Variants in IL15RA observed in about 807,000 individuals in gnomAD.
IL15RA encodes the protein interleukin 15 receptor subunit alpha.
IL15RA carries 26 observed loss-of-function variants against 24.2 expected under a neutral mutation model. That is an observed-to-expected ratio of 1.07 (90% CI 0.79 to 1.49). The LOEUF is 1.49. Among genes scored for constraint, IL15RA ranks in the 40% most tolerant of loss-of-function variants. The pLI is 0.00. For synonymous variants in IL15RA, 166 were observed against 157.6 expected, an observed-to-expected ratio of 1.05 and a Z score of -0.40; for missense variants, 354 against 356.4, an observed-to-expected ratio of 0.99 and a Z score of 0.05.
At chr10:5,969,898 A>T (rs1837304010) in intron 1 of IL15RA, among the ~76,000 whole-genome samples, 1 of 152,246 alleles carries the variant, frequency 6.6e-6, no homozygotes, top group South Asian at 2.1e-4. Flanking sequence ...CTTTTGTCAG[A>T]CATATCCCTA....
rs1835264933 is a variant in IL15RA at position 5,960,206 on chromosome 10, G to A, written c.583+161C>T. ...CACAGAGAAAGCCACGGAGAAAGAG[G>A]TCAGGCCAGGACGCCGTGGCTGGTG... On this transcript the variant is annotated intron_variant, in intron 4 of 6. Coordinates refer to ENST00000379977, the MANE Select transcript of IL15RA (RefSeq NM_002189.4). The surrounding 1 kb of genome is among the most constrained non-coding windows in gnomAD (Gnocchi z 5.1). Among the ~76,000 whole-genome samples the A allele has an allele frequency of 1.3e-5, 2 of 152,236 alleles. No homozygotes were observed. Among genetic ancestry groups the A allele is most frequent in the South Asian group, 2.1e-4 (1 of 4,830 alleles).
At position 5,968,696 on chromosome 10, in the gene IL15RA, C is replaced by G. The variant is rs1837033512; in HGVS notation, c.89-2357G>C. The G allele has an allele frequency of 1.4e-6, 1 of 692,950 alleles. No individual in the cohort carries two copies. The highest frequency in any genetic ancestry group is 1.7e-5 in the African/African-American group (1 of 57,226). 42.9% of individuals were successfully genotyped at this position (692,950 alleles called of 1,614,324 possible). On this transcript the variant is annotated intron_variant, in intron 1 of 6. Transcript: ENST00000379977. This position sits in a 1 kb window ranked among gnomAD's most constrained non-coding sequence, Gnocchi z 5.4. Reference sequence around the variant, plus strand: ...CTCCACACTGATCTTCTGTCCTTCTCTACCTGCCTAAACCACAGAGTGTTA... The same window carrying G: ...CTCCACACTGATCTTCTGTCCTTCTGTACCTGCCTAAACCACAGAGTGTTA...
chr10:5,957,337 G>A (rs1023169096), intron 5 of IL15RA, among the ~76,000 whole-genome samples: 11 of 150,710 alleles, frequency 7.3e-5, no homozygotes, highest in Non-Finnish European at 1.5e-4. Context: ...GTGCAGTGGC[G>A]TGATCTCAGC....
rs906169667 is a variant in IL15RA, at chr10:5,967,557, C to T, written c.89-1218G>A. ...AGACACCTTATTCCCCATGAAGCAT[C>T]ATTTTCCCAAAGGCTGCTGTTGCTT... On this transcript the variant is annotated intron_variant, in intron 1 of 6. Coordinates refer to ENST00000379977, the MANE Select transcript of IL15RA (RefSeq NM_002189.4). This position sits in a 1 kb window ranked among gnomAD's most constrained non-coding sequence, Gnocchi z 4.4. Among the ~76,000 whole-genome samples the T allele has an allele frequency of 6.6e-6, 1 of 152,216 alleles. No homozygotes were observed. Among genetic ancestry groups the T allele is most frequent in the African/African-American group, 2.4e-5 (1 of 41,454 alleles).
rs750932170 is a variant in IL15RA, at chr10:5,959,734, G to T, written c.616+20C>A. 9 of 1,612,052 alleles carry T rather than the reference G, an allele frequency of 5.6e-6. No individual in the cohort carries two copies. Among genetic ancestry groups the T allele is most frequent in the Non-Finnish European group, 7.6e-6 (9 of 1,178,552 alleles). ...CGGTCACCCTGATCATAAACATACCGGACAAAGGGACACACTTACCAGTGG... is the reference window on the plus strand; with the variant it reads ...CGGTCACCCTGATCATAAACATACCTGACAAAGGGACACACTTACCAGTGG... On this transcript the variant is annotated intron_variant, in intron 5 of 6. Transcript: ENST00000379977. The surrounding 1 kb of genome is among the most constrained non-coding windows in gnomAD (Gnocchi z 4.1).
rs918361323 is a variant in IL15RA at position 5,958,299 on chromosome 10, A to G, written c.616+1455T>C. 1 of 454,322 alleles carries G rather than the reference A, an allele frequency of 2.2e-6. No individual in the cohort carries two copies. The highest frequency in any genetic ancestry group is 2.4e-5 in the Admixed American group (1 of 42,322). 28.1% of individuals were successfully genotyped at this position (454,322 alleles called of 1,614,324 possible). A position where few individuals can be genotyped will look rare whatever the true frequency, so the allele number is the denominator to read the frequency against. On this transcript the variant is annotated intron_variant, in intron 5 of 6. Transcript: ENST00000379977. The surrounding 1 kb of genome is among the most constrained non-coding windows in gnomAD (Gnocchi z 4.3). ...CCTTATCCTCTATATGTTTATTTAT[A>G]CAGTCTCTCTGGAAGGATGCCTGGA... is the stretch of plus-strand genomic sequence containing the variant.
intron 1 of IL15RA, chr10:5,969,035 T>A: frequency 6.9e-7 from 1 of 1,439,838 alleles, no homozygotes; most frequent in Non-Finnish European, 9.3e-7. Flanking sequence ...GTATTGTGTG[T>A]GTTTCTGGCT....
chr10:5,958,867 G>A lies in IL15RA; in HGVS notation c.616+887C>T, dbSNP rs117475887. 2.0e-3 allele frequency among the ~76,000 whole-genome samples: 306 copies of A among 152,180 alleles called. 7 individuals are homozygous for A. The East Asian group carries it at 0.054, about 27-fold the overall frequency. ...TTTTTGTCCATATCAAATTACAGTT[G>A]GGTTTTTTGTTACTTTGGAAGCTTG... is the stretch of plus-strand genomic sequence containing the variant. On this transcript the variant is annotated intron_variant, in intron 5 of 6. Transcript: ENST00000379977. This position sits in a 1 kb window ranked among gnomAD's most constrained non-coding sequence, Gnocchi z 4.3.
At position 5,966,845 on chromosome 10, in the gene IL15RA, G is replaced by A. The variant is rs1253810744; in HGVS notation, c.89-506C>T. 2.0e-5 allele frequency among the ~76,000 whole-genome samples: 3 copies of A among 152,014 alleles called. No homozygotes were observed. The highest frequency in any genetic ancestry group is 4.4e-5 in the Non-Finnish European group (3 of 68,002). ...AAATTAGCCGGGCGTGGTGGCAGGC[G>A]CCTGTAATCCCAGCTACTGGGGAGG... On this transcript the variant is annotated intron_variant, in intron 1 of 6. Coordinates refer to ENST00000379977, the MANE Select transcript of IL15RA (RefSeq NM_002189.4). The surrounding 1 kb of genome is among the most constrained non-coding windows in gnomAD (Gnocchi z 6.4).
rs993008176 is a variant in IL15RA at position 5,969,827 on chromosome 10, TAAGAA to T, written c.89-3493_89-3489del. Among the ~76,000 whole-genome samples, 91 of 152,240 alleles carry T rather than the reference TAAGAA, an allele frequency of 6.0e-4. 3 individuals carry two copies. Among genetic ancestry groups the T allele is most frequent in the Non-Finnish European group, 1.5e-5 (1 of 68,046 alleles). On this transcript the variant is annotated intron_variant, in intron 1 of 6. Transcript: ENST00000379977. Reference sequence around the variant, plus strand: ...AACACGGTATCTCTCTTGATTTATTTAAGAATTCTGCAATTTCTCCAGAAATGTTT... The same window carrying T: ...AACACGGTATCTCTCTTGATTTATTTTTCTGCAATTTCTCCAGAAATGTTT...
In IL15RA at chr10:5,960,488, A is replaced by G; in HGVS notation, c.462T>C (p.Pro154=). 6.2e-7 allele frequency: 1 copy of G among 1,613,878 alleles called. No homozygotes were observed. Among genetic ancestry groups the G allele is most frequent in the Non-Finnish European group, 8.5e-7 (1 of 1,179,954 alleles). ...TGGTTCCTGTGGAAGGTGATTTTGAAGGCATCAGCTGGGAGCCCGGGACAA... is the reference window on the plus strand; with the variant it reads ...TGGTTCCTGTGGAAGGTGATTTTGAGGGCATCAGCTGGGAGCCCGGGACAA... The part of the protein sequence containing the change: ...AAIVPGSQLM[P]SKSPSTGTTE... The change falls in exon 4 of 7, where the codon CCT becomes CCC. Residue 154 remains proline, a synonymous_variant. Coordinates refer to ENST00000379977, the MANE Select transcript of IL15RA (RefSeq NM_002189.4). The surrounding 1 kb of genome is among the most constrained non-coding windows in gnomAD (Gnocchi z 5.1).
Position 5,963,891 on chromosome 10 carries a change from G to T in IL15RA, c.284-50C>A. 8.0e-7 allele frequency: 1 copy of T among 1,244,694 alleles called. No homozygotes were observed. Among genetic ancestry groups the T allele is most frequent in the Non-Finnish European group, 1.1e-6 (1 of 894,028 alleles). 77.1% of individuals were successfully genotyped at this position (1,244,694 alleles called of 1,614,324 possible). A position where few individuals can be genotyped will look rare whatever the true frequency, so the allele number is the denominator to read the frequency against. On this transcript the variant is annotated intron_variant, in intron 2 of 6. Coordinates refer to ENST00000379977, the MANE Select transcript of IL15RA (RefSeq NM_002189.4). The surrounding 1 kb of genome is among the most constrained non-coding windows in gnomAD (Gnocchi z 5.3). Reference sequence around the variant, plus strand: ...ACTTATGATCCTGAGCCTGGAACCTGGGCTGGCTTCAGAACGGGATACAAA... The same window carrying T: ...ACTTATGATCCTGAGCCTGGAACCTTGGCTGGCTTCAGAACGGGATACAAA...
rs775870392 is a variant in IL15RA at position 5,965,041 on chromosome 10, C to T, written c.283+1104G>A. Among the ~76,000 whole-genome samples the T allele has an allele frequency of 6.6e-6, 1 of 152,222 alleles. No homozygotes were observed. The highest frequency in any genetic ancestry group is 2.4e-5 in the African/African-American group (1 of 41,470). On this transcript the variant is annotated intron_variant, in intron 2 of 6. Transcript: ENST00000379977. The surrounding 1 kb of genome is among the most constrained non-coding windows in gnomAD (Gnocchi z 5.8). ...GCCTCAAGGAGCTCCCCTCTGTCCC[C>T]TGCTGCAGAGGGCGTGAGCTATGGG... is the stretch of plus-strand genomic sequence containing the variant.
rs1838279341 is a variant in IL15RA, at chr10:5,975,465, T to TG, written c.88+1939_88+1940insC. On this transcript the variant is annotated intron_variant, in intron 1 of 6. Coordinates refer to ENST00000379977, the MANE Select transcript of IL15RA (RefSeq NM_002189.4). The surrounding 1 kb of genome is among the most constrained non-coding windows in gnomAD (Gnocchi z 4.8). Reference sequence around the variant, plus strand: ...GAAGTCTTTGGGAGTGATAGTTGTGTTCACTCTTGGTGGTGGCAGTGGTTT... The same window carrying TG: ...GAAGTCTTTGGGAGTGATAGTTGTGTGTCACTCTTGGTGGTGGCAGTGGTTT... Among the ~76,000 whole-genome samples the TG allele has an allele frequency of 6.6e-6, 1 of 150,856 alleles. No individual in the cohort carries two copies. Among genetic ancestry groups the TG allele is most frequent in the Non-Finnish European group, 1.5e-5 (1 of 68,016 alleles).
rs34002653 is a variant in IL15RA at position 5,957,593 on chromosome 10, CT to C, written c.617-1140del. 6.3e-4 allele frequency among the ~76,000 whole-genome samples: 83 copies of C among 131,580 alleles called. 1 individual carries two copies. The highest frequency in any genetic ancestry group is 2.1e-3 in the East Asian group (9 of 4,338). 86.3% of individuals were successfully genotyped at this position (131,580 alleles called of 152,430 possible). ...CTGGCCAACTTTTTCTTTTCTTCTT[CT>C]TTTTTTTTTTTTTTCTGCGACGGAA... On this transcript the variant is annotated intron_variant, in intron 5 of 6. Coordinates refer to ENST00000379977, the MANE Select transcript of IL15RA (RefSeq NM_002189.4).
At position 5,959,151 on chromosome 10, in the gene IL15RA, T is replaced by C. The variant is rs949816590; in HGVS notation, c.616+603A>G. Among the ~76,000 whole-genome samples the C allele has an allele frequency of 4.0e-5, 6 of 151,680 alleles. No individual in the cohort carries two copies. The highest frequency in any genetic ancestry group is 8.8e-5 in the Non-Finnish European group (6 of 67,948). Reference sequence around the variant, plus strand: ...TTTGGTTTTATTTTGTTTTGTTAACTTTTTTTCTTTTTCTTTTTCTTTTTT... The same window carrying C: ...TTTGGTTTTATTTTGTTTTGTTAACCTTTTTTCTTTTTCTTTTTCTTTTTT... On this transcript the variant is annotated intron_variant, in intron 5 of 6. Coordinates refer to ENST00000379977, the MANE Select transcript of IL15RA (RefSeq NM_002189.4). The surrounding 1 kb of genome is among the most constrained non-coding windows in gnomAD (Gnocchi z 4.1).
At chr10:5,969,676 C>T (rs1837273264) in intron 1 of IL15RA, among the ~76,000 whole-genome samples, 2 of 152,190 alleles carry the variant, frequency 1.3e-5, no homozygotes, top group South Asian at 4.1e-4. Flanking sequence ...CTGAATTTAA[C>T]AAACAGTGTA....
Position 5,952,847 on chromosome 10 carries a change from TC to T in IL15RA, c.*247del, listed in dbSNP as rs1833999615. 3.4e-6 allele frequency: 2 copies of T among 588,746 alleles called. No homozygotes were observed. The highest frequency in any genetic ancestry group is 3.1e-5 in the Admixed American group (1 of 32,698). The allele number at this position is 588,746 out of a possible 1,614,324, so 36.5% of individuals were successfully genotyped here. A position where few individuals can be genotyped will look rare whatever the true frequency, so the allele number is the denominator to read the frequency against. On this transcript the variant is annotated 3_prime_UTR_variant, in exon 7 of 7. Transcript: ENST00000379977. ...ATCCTGCTCAGAAGCCTTTGGTCTCTCCTGGGAAGCTGGGCCCTGGGTCCAA... is the reference window on the plus strand; with the variant it reads ...ATCCTGCTCAGAAGCCTTTGGTCTCTCTGGGAAGCTGGGCCCTGGGTCCAA...
At position 5,971,243 on chromosome 10, in the gene IL15RA, A is replaced by T. The variant is rs1209264648; in HGVS notation, c.89-4904T>A. ...GGTATACGATAGATATTTTCTGAAT[A>T]CATATAATGGAATTATGAAGTAATG... On this transcript the variant is annotated intron_variant, in intron 1 of 6. Transcript: ENST00000379977. The surrounding 1 kb of genome is among the most constrained non-coding windows in gnomAD (Gnocchi z 5.5). Among the ~76,000 whole-genome samples, 1 of 152,218 alleles carries T rather than the reference A, an allele frequency of 6.6e-6. No individual in the cohort carries two copies. Among genetic ancestry groups the T allele is most frequent in the Non-Finnish European group, 1.5e-5 (1 of 68,034 alleles).
Sources: gnomAD v4.1 joint callset for allele counts (sites outside exome capture counted in the v4.1 genomes callset) on GRCh38, gnomAD v4.1.1 for gene constraint, Gnocchi (gnomAD v3.1) non-coding constraint, MANE v1.5 for transcripts, NCBI Gene and HGNC (gene_info 2026-07-23, HGNC 2026-07-21) for gene names.